Variants in NEK11 observed in about 807,000 individuals in gnomAD.
NEK11 encodes the protein NIMA related kinase 11, also known as serine/threonine-protein kinase Nek11.
A neutral mutation model predicts 80.7 loss-of-function variants in NEK11; 72 were observed. That is an observed-to-expected ratio of 0.89 (90% confidence interval 0.74 to 1.08). NEK11 has a LOEUF of 1.08. Ranked by LOEUF, NEK11 falls within the 50% of genes least tolerant of loss-of-function variation. The pLI is 0.00. For synonymous variants in NEK11, 251 were observed against 260.7 expected (o/e 0.96, Z 0.36); for missense variants, 764 against 763.6 (o/e 1.00, Z -0.01).
At chr3:131,140,980 A>T (rs989383537) in intron 7 of NEK11, among the ~76,000 whole-genome samples, 1 of 152,142 alleles carries the variant, frequency 6.6e-6, no homozygotes, top group African/African-American at 2.4e-5. Context: ...CATAAGACCC[A>T]ATTATCCACA....
chr3:131,346,544 G>A (rs1464001283), intron 17 of NEK11, among the ~76,000 whole-genome samples: 2 of 152,072 alleles, frequency 1.3e-5, no homozygotes, highest in African/African-American at 4.8e-5. Context: ...GTAGGTATAC[G>A]ACTGAGTTTA....
At chr3:131,144,339 G>T (rs2718858) in intron 7 of NEK11, among the ~76,000 whole-genome samples, 1 of 152,154 alleles carries the variant, frequency 6.6e-6, no homozygotes, top group African/African-American at 2.4e-5. Context: ...AATGCAAATT[G>T]TAGACTTCTA....
At chr3:131,083,495 T>C (rs1015068723) in intron 4 of NEK11, among the ~76,000 whole-genome samples, 3 of 152,368 alleles carry the variant, frequency 2.0e-5, no homozygotes, top group African/African-American at 7.2e-5. Context: ...AACAGAGATA[T>C]TTCTCATCAT....
Position 131,027,996 on chromosome 3 carries a change from A to T in NEK11, c.-103A>T, listed in dbSNP as rs2064158896. ...GACCTGAAGGACCCTTTTCAGCTGGAAAGTCTGTAAGTCCATATATTTATT... is the reference window on the plus strand; with the variant it reads ...GACCTGAAGGACCCTTTTCAGCTGGTAAGTCTGTAAGTCCATATATTTATT... On this transcript the variant is annotated 5_prime_UTR_variant, in exon 2 of 18. Transcript: ENST00000383366. 1 of 152,228 alleles carries T rather than the reference A, an allele frequency of 6.6e-6. No individual in the cohort carries two copies. The highest frequency in any genetic ancestry group is 2.4e-5 in the African/African-American group (1 of 41,446). The allele number at this position is 152,228 out of a possible 1,614,324, so 9.4% of individuals were successfully genotyped here. A position where few individuals can be genotyped will look rare whatever the true frequency, so the allele number is the denominator to read the frequency against.
At chr3:131,236,753 C>A (rs547970994) in intron 15 of NEK11, among the ~76,000 whole-genome samples, 1 of 152,152 alleles carries the variant, frequency 6.6e-6, no homozygotes, top group Non-Finnish European at 1.5e-5. Context: ...ATAGGAGTTA[C>A]GATATTAGCT....
chr3:131,132,664 GC>G, intron 5 of NEK11, 80 bp from the exon 6 acceptor site: 2 of 711,818 alleles, frequency 2.8e-6, no homozygotes, highest in Non-Finnish European at 4.7e-6. Flanking sequence ...TAAATCATGT[GC>G]AACAACATAT....
chr3:131,225,099 C>T (rs1026440904), intron 14 of NEK11, among the ~76,000 whole-genome samples: 44 of 152,288 alleles, frequency 2.9e-4, no homozygotes, highest in African/African-American at 1.1e-3. Flanking sequence ...CTGACTCACC[C>T]AGAGCAACTT....
intron 17 of NEK11, among the ~76,000 whole-genome samples, chr3:131,339,861 C>T (rs1022688918): frequency 2.0e-5 from 3 of 152,152 alleles, no homozygotes; most frequent in Non-Finnish European, 4.4e-5. Flanking sequence ...TCTAATAATA[C>T]CCCAAGATAA....
intron 4 of NEK11, chr3:131,109,349 G>T (rs572392069): frequency 6.6e-6 from 1 of 152,560 alleles, no homozygotes; most frequent in African/African-American, 2.4e-5. Flanking sequence ...TCAGGAAGTG[G>T]AGGTTGGTCC....
intron 17 of NEK11, among the ~76,000 whole-genome samples, chr3:131,274,770 C>T (rs796839066): frequency 0.017 from 2,521 of 149,964 alleles, 71 homozygotes; most frequent in African/African-American, 0.059. Flanking sequence ...TCTCCTGCCT[C>T]AGCCTCCCGA....
intron 14 of NEK11, among the ~76,000 whole-genome samples, chr3:131,201,637 G>C (rs2094231834): frequency 6.6e-6 from 1 of 152,100 alleles, no homozygotes; most frequent in Admixed American, 6.5e-5. Flanking sequence ...AAGTGTGTAA[G>C]TAAATTTAGG....
chr3:131,313,149 C>T (rs2096798504), intron 17 of NEK11, among the ~76,000 whole-genome samples: 1 of 152,124 alleles, frequency 6.6e-6, no homozygotes, highest in Non-Finnish European at 1.5e-5. Context: ...CTGCAAAGGA[C>T]ATGATCTCAC....
intron 4 of NEK11, among the ~76,000 whole-genome samples, chr3:131,089,927 A>G (rs552289315): frequency 2.0e-5 from 3 of 152,354 alleles, no homozygotes; most frequent in Admixed American, 2.0e-4. Flanking sequence ...AGTCCAGCGA[A>G]TTAATAACGG....
intron 17 of NEK11, among the ~76,000 whole-genome samples, chr3:131,323,443 A>G (rs1440525311): frequency 6.6e-6 from 1 of 151,724 alleles, no homozygotes; most frequent in Non-Finnish European, 1.5e-5. Context: ...TGAAGCCTAT[A>G]CTACCTTGGC....
chr3:131,101,176 A>AT (rs1252758937), intron 4 of NEK11, among the ~76,000 whole-genome samples: 1 of 152,106 alleles, frequency 6.6e-6, no homozygotes, highest in Admixed American at 6.6e-5. Flanking sequence ...TTTTTATAAG[A>AT]ACCAACTCTT....
chr3:131,096,343 A>G (rs1048252426), intron 4 of NEK11, among the ~76,000 whole-genome samples: 8 of 152,220 alleles, frequency 5.3e-5, no homozygotes, highest in South Asian at 4.1e-4. Context: ...ATGTTGCTGT[A>G]GAGGACATGA....
intron 17 of NEK11, among the ~76,000 whole-genome samples, chr3:131,285,422 C>T (rs2096458658): frequency 6.6e-6 from 1 of 152,198 alleles, no homozygotes; most frequent in South Asian, 2.1e-4. Flanking sequence ...ACCAGTCACT[C>T]ACTGCAGGAA....
At chr3:131,263,087 T>G (rs954551532) in intron 16 of NEK11, among the ~76,000 whole-genome samples, 1 of 152,116 alleles carries the variant, frequency 6.6e-6, no homozygotes, top group African/African-American at 2.4e-5. Context: ...GTACACAATG[T>G]GCAGGTTTGT....
intron 14 of NEK11, among the ~76,000 whole-genome samples, chr3:131,203,257 T>G (rs1240427246): frequency 6.6e-6 from 1 of 151,962 alleles, no homozygotes; most frequent in Non-Finnish European, 1.5e-5. Context: ...CCATAAAAAA[T>G]GATGAGTTCA....
Sources: gnomAD v4.1 joint callset for allele counts (sites outside exome capture counted in the v4.1 genomes callset) on GRCh38, gnomAD v4.1.1 for gene constraint, MANE v1.5 for transcripts, NCBI Gene and HGNC (gene_info 2026-07-23, HGNC 2026-07-21) for gene names.